KCNN3: variants seen among roughly 807,000 people sequenced by gnomAD.
KCNN3 encodes the protein small conductance calcium-activated potassium channel protein 3.
Under a neutral mutation model 62.9 loss-of-function variants are expected in KCNN3, and 16 were observed. That is an observed-to-expected ratio of 0.25 (90% CI 0.17 to 0.39). The LOEUF is 0.39. Ranked by LOEUF, KCNN3 falls within the 10% of genes least tolerant of loss-of-function variation. The pLI is 1.00. For synonymous variants in KCNN3, 370 were observed against 389.2 expected, an observed-to-expected ratio of 0.95 and a Z score of 0.58; for missense variants, 599 against 949.4, an observed-to-expected ratio of 0.63 and a Z score of 4.85.
intron 4 of KCNN3, 114 bp from the exon 5 acceptor site, chr1:154,726,140 A>C: frequency 1.4e-6 from 1 of 731,998 alleles, no homozygotes; most frequent in Admixed American, 2.1e-5. Flanking sequence ...GTGGAGTGGG[A>C]ACTTGAGCTC....
chr1:154,804,606 G>C (rs911320764), intron 2 of KCNN3, among the ~76,000 whole-genome samples: 1 of 152,072 alleles, frequency 6.6e-6, no homozygotes, highest in African/African-American at 2.4e-5. Flanking sequence ...TCCTGGCACT[G>C]AGTAGGGAAT....
chr1:154,844,672 G>A (rs548371617), intron 1 of KCNN3, among the ~76,000 whole-genome samples: 9 of 42,450 alleles, frequency 2.1e-4, no homozygotes, highest in African/African-American at 2.9e-4. Flanking sequence ...TAAGGCTATC[G>A]GGTTGGAAGG....
chr1:154,790,674 A>G (rs1649475628), intron 2 of KCNN3, among the ~76,000 whole-genome samples: 1 of 152,202 alleles, frequency 6.6e-6, no homozygotes. Context: ...AATTCAAAGT[A>G]CAGTTCCTGC....
intron 1 of KCNN3, among the ~76,000 whole-genome samples, chr1:154,839,580 CTGACGAAGGTT>C (rs1304254937): frequency 1.1e-5 from 1 of 91,556 alleles, no homozygotes; most frequent in South Asian, 4.7e-4. Flanking sequence ...CCACACCTGG[CTGACGAAGGTT>C]TGGCCCAGGC....
intron 3 of KCNN3, among the ~76,000 whole-genome samples, chr1:154,766,416 T>TTATATATATATATATATATAAATATATA (rs1648279404): frequency 1.4e-5 from 1 of 71,812 alleles, no homozygotes; most frequent in Non-Finnish European, 2.8e-5. Context: ...TAGCCAGGCT[T>TTATATATATATATATATATAAATATATA]TATATATATA....
intron 1 of KCNN3, among the ~76,000 whole-genome samples, chr1:154,832,413 C>T (rs889458179): frequency 6.6e-6 from 1 of 151,908 alleles, no homozygotes; most frequent in African/African-American, 2.4e-5. Flanking sequence ...AGTCCCAGCC[C>T]CCAGATCTGT....
At chr1:154,713,969 G>GT (rs1557937616) in intron 6 of KCNN3, among the ~76,000 whole-genome samples, 2 of 1,972 alleles carry the variant, frequency 1.0e-3, no homozygotes, top group East Asian at 0.015. Flanking sequence ...TGGTGTGTGT[G>GT]ATGTGTGGTG....
At chr1:154,777,577 C>A (rs1016320406) in intron 2 of KCNN3, among the ~76,000 whole-genome samples, 1 of 152,202 alleles carries the variant, frequency 6.6e-6, no homozygotes, top group Non-Finnish European at 1.5e-5. Context: ...TCCCAGGTGA[C>A]CTCCAAGCCT....
chr1:154,845,407 A>G (rs927534549), intron 1 of KCNN3, among the ~76,000 whole-genome samples: 1 of 152,196 alleles, frequency 6.6e-6, no homozygotes, highest in African/African-American at 2.4e-5. Context: ...ACCATCAGCC[A>G]GCTCACCGGC....
In KCNN3 at chr1:154,869,663, A is replaced by G. The variant is rs773819304; in HGVS notation, c.302T>C (p.Leu101Pro). The change falls in exon 1 of 8, where the codon CTG becomes CCG. Residue 101 changes from leucine to proline, a missense_variant. Physicochemically the swap from Leu to Pro is moderately conservative, Grantham distance 98. Around this residue, in one of 7 missense-constraint regions of KCNN3, gnomAD observed 112 missense variants for 142.9 expected, o/e 0.78. Transcript: ENST00000271915. This position sits in a 1 kb window ranked among gnomAD's most constrained non-coding sequence, Gnocchi z 6.1. ...CCTGAAAGCGGTGGGAGAGGAGTGC[A>G]GCAGGCCAGGGTGGACGGGCTGGCT... is the stretch of plus-strand genomic sequence containing the variant. The part of the protein sequence containing the change: ...LQSQPVHPGL[L>P]HSSPTAFRAP... The G allele has an allele frequency of 1.2e-5, 19 of 1,608,282 alleles. No individual in the cohort carries two copies. The South Asian group carries it at 2.1e-4, about 18-fold the overall frequency.
At chr1:154,841,108 C>G (rs11588763) in intron 1 of KCNN3, among the ~76,000 whole-genome samples, 1 of 152,088 alleles carries the variant, frequency 6.6e-6, no homozygotes, top group African/African-American at 2.4e-5. Context: ...ATGGTGAGGG[C>G]GCAAGGGAGG....
chr1:154,758,838 TG>T (rs1399128037), intron 3 of KCNN3, among the ~76,000 whole-genome samples: 1 of 128,560 alleles, frequency 7.8e-6, no homozygotes, highest in East Asian at 2.3e-4. Context: ...GATGGAGTCT[TG>T]CTCTGTTGCC....
In KCNN3 at chr1:154,868,720, G is replaced by A. The variant is rs145266758; in HGVS notation, c.933+312C>T. 1.3e-3 allele frequency among the ~76,000 whole-genome samples: 199 copies of A among 152,172 alleles called. 2 individuals carry two copies. The East Asian group carries it at 0.034, about 26-fold the overall frequency. On this transcript the variant is annotated intron_variant, in intron 1 of 7. Transcript: ENST00000271915. ...GGATTATTGAATCCTCCCTAACAGA[G>A]AGTCTGCAAATTAGACACAGTGTGT... is the stretch of plus-strand genomic sequence containing the variant.
chr1:154,859,785 C>G, intron 1 of KCNN3: 1 of 1,614,100 alleles, frequency 6.2e-7, no homozygotes, highest in Non-Finnish European at 8.5e-7. Context: ...TCAGCAAGCT[C>G]TAAGGAGTAG....
chr1:154,834,182 C>T (rs961287295), intron 1 of KCNN3, among the ~76,000 whole-genome samples: 2 of 152,234 alleles, frequency 1.3e-5, no homozygotes, highest in Non-Finnish European at 2.9e-5. Flanking sequence ...CTGCTGCCAA[C>T]CTGCCTACCT....
At chr1:154,803,567 C>T (rs188940790) in intron 2 of KCNN3, among the ~76,000 whole-genome samples, 1 of 152,350 alleles carries the variant, frequency 6.6e-6, no homozygotes, top group African/African-American at 2.4e-5. Flanking sequence ...ACTGTAGTCC[C>T]CAGGCAGACA....
At chr1:154,847,246 A>C (rs1652110521) in intron 1 of KCNN3, among the ~76,000 whole-genome samples, 1 of 149,926 alleles carries the variant, frequency 6.7e-6, no homozygotes. Flanking sequence ...TCTCCAGGCC[A>C]CACCGAGAGG....
intron 2 of KCNN3, among the ~76,000 whole-genome samples, chr1:154,820,573 G>C (rs2101893075): frequency 6.6e-6 from 1 of 152,330 alleles, no homozygotes; most frequent in Non-Finnish European, 1.5e-5. Flanking sequence ...ACCAGGCCCG[G>C]AGCCCAGACT....
At chr1:154,748,605 C>T (rs1183611388) in intron 3 of KCNN3, among the ~76,000 whole-genome samples, 7 of 152,150 alleles carry the variant, frequency 4.6e-5, no homozygotes, top group East Asian at 1.9e-4. Context: ...AAGCTTTATG[C>T]GCATTACTGA....
Sources: gnomAD v4.1 joint callset for allele counts (sites outside exome capture counted in the v4.1 genomes callset) on GRCh38, gnomAD v4.1.1 for gene constraint, gnomAD v4.1.1 regional missense constraint, Gnocchi (gnomAD v3.1) non-coding constraint, MANE v1.5 for transcripts, NCBI Gene and HGNC (gene_info 2026-07-23, HGNC 2026-07-21) for gene names.